Variants in TUSC3 observed in about 807,000 individuals in gnomAD.
TUSC3 encodes the protein tumor suppressor candidate 3, also known as dolichyl-diphosphooligosaccharide--protein glycosyltransferase subunit TUSC3.
TUSC3 carries 45 observed loss-of-function variants against 44.8 expected under a neutral mutation model. The ratio of observed to expected loss-of-function variants is 1.00; its 90% CI spans 0.79 to 1.29. The LOEUF is 1.29. TUSC3 is among the 50% of genes most tolerant of loss of function. TUSC3 has a pLI of 0.00. For missense variants in TUSC3, 519 were observed against 437.9 expected (o/e 1.19, Z -1.65); for synonymous variants, 212 against 152.9 (o/e 1.39, Z -2.85).
At chr8:15,494,688 A>G (rs116745364) in intron 2 of TUSC3, among the ~76,000 whole-genome samples, 12 of 152,316 alleles carry the variant, frequency 7.9e-5, no homozygotes, top group African/African-American at 2.6e-4. Context: ...TGTTATGTCA[A>G]TACCTGTAAT....
intron 1 of TUSC3, among the ~76,000 whole-genome samples, chr8:15,570,260 T>C (rs532638684): frequency 1.9e-5 from 2 of 107,222 alleles, no homozygotes; most frequent in African/African-American, 6.3e-5. Context: ...TTTTATAATG[T>C]ATTTTACACA....
In TUSC3 at chr8:15,540,300, C is replaced by G; in HGVS notation, c.-131C>G. The G allele has an allele frequency of 7.8e-7, 1 of 1,279,872 alleles. No homozygotes were observed. 79.3% of individuals were successfully genotyped at this position (1,279,872 alleles called of 1,614,324 possible). On this transcript the variant is annotated 5_prime_UTR_variant, in exon 1 of 11. Coordinates refer to ENST00000503731, the MANE Select transcript of TUSC3 (RefSeq NM_006765.4). Reference sequence around the variant, plus strand: ...TGCGTCCTCGGCCGCGGCCCGGGTCCCTCGCAAAGCCGCTGCCATCCCGGA... The same window carrying G: ...TGCGTCCTCGGCCGCGGCCCGGGTCGCTCGCAAAGCCGCTGCCATCCCGGA...
chr8:15,759,088 G>A (rs1812058207), intron 10 of TUSC3, among the ~76,000 whole-genome samples: 2 of 152,286 alleles, frequency 1.3e-5, no homozygotes, highest in South Asian at 4.1e-4. Context: ...TGAATGTAGA[G>A]TAGAGATTAA....
rs1283276481 is a variant in TUSC3, at chr8:15,540,478, G to A, written c.48G>A (p.Arg16=). The A allele has an allele frequency of 6.2e-7, 1 of 1,607,844 alleles. No individual in the cohort carries two copies. The highest frequency in any genetic ancestry group is 1.1e-5 in the South Asian group (1 of 90,444). Reference sequence around the variant, plus strand: ...CACGCCGTAGGCAAGCGGGGCGGCGGCTGCGGTACCTGCCCACCGGGAGCT... The same window carrying A: ...CACGCCGTAGGCAAGCGGGGCGGCGACTGCGGTACCTGCCCACCGGGAGCT... ...APSRRRQAGR[R]LRYLPTGSFP... is the part of the protein sequence containing the mutation. The change falls in exon 1 of 11, where the codon CGG becomes CGA. Residue 16 remains arginine (R), a synonymous_variant. Transcript: ENST00000503731.
chr8:15,465,489 A>G (rs2129122329), intron 1 of TUSC3, among the ~76,000 whole-genome samples: 3 of 152,324 alleles, frequency 2.0e-5, no homozygotes, highest in Middle Eastern at 6.8e-3. Context: ...ATGATCAACA[A>G]ACATTATTGA....
In TUSC3 at chr8:15,593,399, G is replaced by A. The variant is rs191501847; in HGVS notation, c.139-29681G>A. Among the ~76,000 whole-genome samples, 169 of 152,200 alleles carry A rather than the reference G, an allele frequency of 1.1e-3. 1 individual carries two copies. The highest frequency in any genetic ancestry group is 3.4e-3 in the Middle Eastern group (1 of 294). ...CCACACCCGGTCAGTATATTAGTGTGCTTTTAAACAATGTTTATCACTTAC... is the reference window on the plus strand; with the variant it reads ...CCACACCCGGTCAGTATATTAGTGTACTTTTAAACAATGTTTATCACTTAC... On this transcript the variant is annotated intron_variant, in intron 1 of 10. Transcript: ENST00000503731.
At chr8:15,790,036 G>A in the TUSC3 span, among the ~76,000 whole-genome samples, 1 of 152,086 alleles carries the variant, frequency 6.6e-6, no homozygotes, top group Admixed American at 6.6e-5. Context: ...AAGCATGTGG[G>A]CTGTTGGCAG....
intron 1 of TUSC3, among the ~76,000 whole-genome samples, chr8:15,622,316 G>C (rs1331487958): frequency 2.0e-5 from 3 of 149,046 alleles, no homozygotes; most frequent in East Asian, 2.0e-4. Context: ...TTTTTTTTTA[G>C]AGACAGTGTC....
chr8:15,564,257 G>T (rs375084976), intron 1 of TUSC3, among the ~76,000 whole-genome samples: 35 of 152,224 alleles, frequency 2.3e-4, no homozygotes, highest in African/African-American at 7.9e-4. Flanking sequence ...AGATAACTAA[G>T]TTTGGGCAGC....
chr8:15,698,052 T>C (rs1809244954), intron 6 of TUSC3, among the ~76,000 whole-genome samples: 1 of 152,176 alleles, frequency 6.6e-6, no homozygotes, highest in Middle Eastern at 3.2e-3. Flanking sequence ...TTAAAAACAA[T>C]TTAAAATATT....
At chr8:15,684,058 T>C (rs1422919430) in intron 6 of TUSC3, among the ~76,000 whole-genome samples, 1 of 149,758 alleles carries the variant, frequency 6.7e-6, no homozygotes, top group Non-Finnish European at 1.5e-5. Flanking sequence ...ATCTTAGTCG[T>C]GCTCTCCACT....
chr8:15,702,221 G>A (rs4416821), intron 6 of TUSC3, among the ~76,000 whole-genome samples: 84,426 of 151,832 alleles, frequency 0.56, 24,336 homozygotes, highest in Non-Finnish European at 0.64. Context: ...TCAGATGGAA[G>A]AGACTCTAAT....
intron 2 of TUSC3, among the ~76,000 whole-genome samples, chr8:15,638,874 C>T (rs533771183): frequency 6.6e-6 from 1 of 152,302 alleles, no homozygotes; most frequent in Non-Finnish European, 1.5e-5. Context: ...TGTGTTGATG[C>T]TAGATCACGT....
chr8:15,718,661 A>T (rs375399897), intron 6 of TUSC3, among the ~76,000 whole-genome samples: 1 of 152,112 alleles, frequency 6.6e-6, no homozygotes, highest in African/African-American at 2.4e-5. Flanking sequence ...TATAATTAAC[A>T]TACAATTTAC....
chr8:15,824,296 T>C, the TUSC3 span, among the ~76,000 whole-genome samples: 65 of 152,272 alleles, frequency 4.3e-4, no homozygotes, highest in African/African-American at 1.5e-3. Flanking sequence ...TATTTATACA[T>C]AGAATGCAAA....
chr8:15,652,180 C>T (rs544737108), intron 3 of TUSC3, among the ~76,000 whole-genome samples: 47 of 152,194 alleles, frequency 3.1e-4, no homozygotes, highest in African/African-American at 1.1e-3. Flanking sequence ...CGGGGTTGAT[C>T]TTTTCGGGTA....
intron 1 of TUSC3, among the ~76,000 whole-genome samples, chr8:15,596,858 T>G (rs1585137705): frequency 6.6e-6 from 1 of 152,138 alleles, no homozygotes; most frequent in East Asian, 1.9e-4. Flanking sequence ...TAATTGTACT[T>G]AATTATTATT....
chr8:15,439,342 G>T (rs1799991926), intron 1 of TUSC3, among the ~76,000 whole-genome samples: 1 of 152,182 alleles, frequency 6.6e-6, no homozygotes, highest in African/African-American at 2.4e-5. Context: ...GAGGTGGGAG[G>T]ATTGTTTGAG....
chr8:15,694,411 G>C (rs558772714), intron 6 of TUSC3, among the ~76,000 whole-genome samples: 3 of 128,734 alleles, frequency 2.3e-5, no homozygotes, highest in Admixed American at 9.3e-5. Flanking sequence ...ACTCCAGCGT[G>C]AGCAACAAGA....
Sources: allele counts gnomAD v4.1 joint callset (sites outside exome capture counted in the v4.1 genomes callset), GRCh38; gene constraint gnomAD v4.1.1; transcripts MANE v1.5; gene names NCBI Gene and HGNC (gene_info 2026-07-23, HGNC 2026-07-21).